TECPR1: variants seen among roughly 807,000 people sequenced by gnomAD.
TECPR1 encodes the protein tectonin beta-propeller repeat-containing protein 1.
In TECPR1, 122 loss-of-function variants were observed where a neutral mutation model predicts 162.4. That is an observed-to-expected ratio of 0.75 (90% CI 0.65 to 0.87). The LOEUF (loss-of-function observed/expected upper bound fraction) is 0.87, where lower values mean the gene tolerates loss of function less well. Among genes scored for constraint, TECPR1 ranks in the 40% least tolerant of loss-of-function variants. The probability of loss-of-function intolerance (pLI) is 0.00; values close to 1 mark genes in which losing one functional copy is unlikely to be tolerated. For synonymous variants in TECPR1, 642 were observed against 670.6 expected, an observed-to-expected ratio of 0.96 and a Z score of 0.66; for missense variants, 1,432 against 1,618.2, an observed-to-expected ratio of 0.88 and a Z score of 1.97.
intron 13 of TECPR1, 155 bp downstream of exon 13, chr7:98,231,649 T>C: frequency 1.3e-6 from 1 of 766,366 alleles, no homozygotes; most frequent in Non-Finnish European, 1.9e-6. Flanking sequence ...CCCATTTCTG[T>C]ACCCCTCCCC....
At position 98,216,243 on chromosome 7, in the gene TECPR1, T is replaced by A. The variant is rs1202510762; in HGVS notation, c.*1147A>T. The A allele has an allele frequency of 6.6e-6, 1 of 152,372 alleles. No homozygotes were observed. Among genetic ancestry groups the A allele is most frequent in the Admixed American group, 6.5e-5 (1 of 15,292 alleles). The allele number at this position is 152,372 out of a possible 1,614,324, so 9.4% of individuals were successfully genotyped here. A position where few individuals can be genotyped will look rare whatever the true frequency, so the allele number is the denominator to read the frequency against. On this transcript the variant is annotated 3_prime_UTR_variant, in exon 26 of 26. Transcript: ENST00000447648. ...CAGGATGGAGGGTGACTGTGCACCC[T>A]GCTCCATGTACAGGACGGGCTGAGG...
chr7:98,233,824 T>C lies in TECPR1; in HGVS notation c.1269A>G (p.Pro423=). ...DTDASSEVER[P]GPGQILPAEP... is the part of the protein sequence containing the mutation. ...CTGCAGGGAGAATCTGGCCAGGCCC[T>C]GGTCTCTCGACTTCCGAGGAGGCAT... Residue 423 remains proline, a synonymous_variant, in exon 11 of 26, where the codon CCA becomes CCG. Transcript: ENST00000447648. 1 of 1,599,974 alleles carries C rather than the reference T, an allele frequency of 6.3e-7. No individual in the cohort carries two copies. The highest frequency in any genetic ancestry group is 8.5e-7 in the Non-Finnish European group (1 of 1,173,874).
chr7:98,231,973 G>A lies in TECPR1; in HGVS notation c.1819-14C>T. 1 of 1,591,790 alleles carries A rather than the reference G, an allele frequency of 6.3e-7. No individual in the cohort carries two copies. Among genetic ancestry groups the A allele is most frequent in the Non-Finnish European group, 8.5e-7 (1 of 1,173,578 alleles). ...CACCCACACCGACTGCGCAGGCCGG[G>A]GCAGTGGACACCATCACAGGCAGGC... On this transcript the variant is annotated splice_polypyrimidine_tract_variant and intron_variant, in intron 12 of 25. Coordinates refer to ENST00000447648, the MANE Select transcript of TECPR1 (RefSeq NM_015395.3).
intron 17 of TECPR1, among the ~76,000 whole-genome samples, chr7:98,225,450 G>A (rs1050693743): frequency 6.6e-6 from 1 of 151,944 alleles, no homozygotes; most frequent in Non-Finnish European, 1.5e-5. Flanking sequence ...CAGGGGAATC[G>A]CTTGAACCCG....
chr7:98,231,899 C>T lies in TECPR1; in HGVS notation c.1879G>A (p.Val627Met), dbSNP rs1231198667. The T allele has an allele frequency of 6.2e-7, 1 of 1,611,620 alleles. No individual in the cohort carries two copies. The highest frequency in any genetic ancestry group is 1.7e-5 in the Admixed American group (1 of 60,014). ...TGCTCCAGGGCCAAGCGCACGTCCA[C>T]CCACTTGTGGGGCTTCCAGTCGCAC... ...WWCDWKPHKW[V>M]DVRLALEQFT... The change falls in exon 13 of 26, where the codon GTG (valine) becomes ATG (methionine). Residue 627 changes from valine (V) to methionine (M), a missense_variant. Coordinates refer to ENST00000447648, the MANE Select transcript of TECPR1 (RefSeq NM_015395.3).
chr7:98,221,437 T>C (rs760471352), intron 23 of TECPR1, among the ~76,000 whole-genome samples: 1 of 152,102 alleles, frequency 6.6e-6, no homozygotes, highest in Non-Finnish European at 1.5e-5. Context: ...ACATCTCATG[T>C]ACCCCATAAA....
intron 10 of TECPR1, among the ~76,000 whole-genome samples, chr7:98,235,417 C>T (rs1023504337): frequency 2.7e-5 from 4 of 149,452 alleles, no homozygotes; most frequent in East Asian, 2.0e-4. Context: ...CCCAGCTACT[C>T]GGGAGGCTGA....
chr7:98,244,457 G>A (rs985284322), intron 5 of TECPR1, 114 bp downstream of exon 5: 23 of 1,393,566 alleles, frequency 1.7e-5, no homozygotes, highest in South Asian at 7.1e-5. Flanking sequence ...GCCAGGTCCC[G>A]AGGTGGGCGT....
Position 98,241,436 on chromosome 7 carries a change from T to C in TECPR1, c.658-192A>G, listed in dbSNP as rs1798747142. 6.6e-6 allele frequency among the ~76,000 whole-genome samples: 1 copy of C among 152,126 alleles called. No individual in the cohort carries two copies. The highest frequency in any genetic ancestry group is 2.1e-4 in the South Asian group (1 of 4,820). On this transcript the variant is annotated intron_variant, in intron 6 of 25. Coordinates refer to ENST00000447648, the MANE Select transcript of TECPR1 (RefSeq NM_015395.3). This position sits in a 1 kb window ranked among gnomAD's most constrained non-coding sequence, Gnocchi z 5.0. ...CTGAGGGATACACTTGTTCCATTCA[T>C]CTGTTTGGGGTGATGCCCCCAACCC... is the stretch of plus-strand genomic sequence containing the variant.
At chr7:98,222,591 G>C (rs1260968918) in intron 21 of TECPR1, 70 bp from the exon 22 acceptor site, 2 of 1,518,444 alleles carry the variant, frequency 1.3e-6, no homozygotes, top group Admixed American at 4.1e-5. Context: ...TCCAGGACCA[G>C]CAGAAATGGG....
At chr7:98,226,414 A>C (rs1393359540) in intron 17 of TECPR1, 27 of 984,062 alleles carry the variant, frequency 2.7e-5, no homozygotes, top group Non-Finnish European at 3.0e-5. Flanking sequence ...AAGGCTGAGT[A>C]AAGTCAGATA....
At chr7:98,245,156 C>A in intron 3 of TECPR1, 89 bp from the exon 4 acceptor site, 1 of 1,405,834 alleles carries the variant, frequency 7.1e-7, no homozygotes, top group Non-Finnish European at 9.7e-7. Flanking sequence ...ACCAGCTGAC[C>A]CTGCCCAGCC....
intron 2 of TECPR1, among the ~76,000 whole-genome samples, chr7:98,249,417 G>A (rs889022081): frequency 5.9e-5 from 9 of 152,100 alleles, no homozygotes; most frequent in Admixed American, 1.3e-4. Context: ...ACCAAGGCCC[G>A]TCAAACATAT....
At chr7:98,221,529 G>T in intron 23 of TECPR1, 132 bp downstream of exon 23, 2 of 697,318 alleles carry the variant, frequency 2.9e-6, no homozygotes, top group Non-Finnish European at 5.0e-6. Context: ...TGCAGACCAT[G>T]TTGGCCAGGC....
At position 98,241,836 on chromosome 7, in the gene TECPR1, C is replaced by G. The variant is rs1798757520; in HGVS notation, c.658-592G>C. Among the ~76,000 whole-genome samples, 1 of 152,174 alleles carries G rather than the reference C, an allele frequency of 6.6e-6. No individual in the cohort carries two copies. The highest frequency in any genetic ancestry group is 2.4e-5 in the African/African-American group (1 of 41,434). On this transcript the variant is annotated intron_variant, in intron 6 of 25. Coordinates refer to ENST00000447648, the MANE Select transcript of TECPR1 (RefSeq NM_015395.3). The surrounding 1 kb of genome is among the most constrained non-coding windows in gnomAD (Gnocchi z 5.0). ...CCCCCTACAGCAGGCCCTGCAGGAC[C>G]AGGCCTAGGAGCCTCCCTTCGGCTA...
chr7:98,231,173 C>A (rs980257394), intron 14 of TECPR1, 51 bp downstream of exon 14: 4 of 1,608,156 alleles, frequency 2.5e-6, no homozygotes, highest in Non-Finnish European at 3.4e-6. Flanking sequence ...GCCAGGCCAC[C>A]CCACCATGGC....
At chr7:98,233,118 T>G in intron 11 of TECPR1, 146 bp from the exon 12 acceptor site, 2 of 916,952 alleles carry the variant, frequency 2.2e-6, no homozygotes, top group Non-Finnish European at 3.1e-6. Flanking sequence ...TTTGCCCTGT[T>G]GGATGAGTTG....
At chr7:98,238,229 C>G (rs575892856) in intron 9 of TECPR1, among the ~76,000 whole-genome samples, 2 of 152,336 alleles carry the variant, frequency 1.3e-5, no homozygotes, top group South Asian at 4.1e-4. Context: ...GCTGTGGCGT[C>G]TCTGTCCCTT....
intron 2 of TECPR1, among the ~76,000 whole-genome samples, chr7:98,248,612 C>T (rs572130334): frequency 1.3e-4 from 18 of 143,214 alleles, no homozygotes; most frequent in Admixed American, 4.3e-4. Flanking sequence ...GAGGCCAAGG[C>T]GGATGGATCA....
Sources: allele counts gnomAD v4.1 joint callset (sites outside exome capture counted in the v4.1 genomes callset), GRCh38; gene constraint gnomAD v4.1.1; non-coding constraint Gnocchi (gnomAD v3.1); transcripts MANE v1.5; gene names NCBI Gene and HGNC (gene_info 2026-07-23, HGNC 2026-07-21).